SHQ1: variants seen among roughly 807,000 people sequenced by gnomAD.
SHQ1 encodes SHQ1, H/ACA ribonucleoprotein assembly factor.
Under a neutral mutation model 53.8 loss-of-function variants are expected in SHQ1, and 49 were observed. The observed-to-expected ratio is 0.91, with a 90% CI of 0.72 to 1.16. The LOEUF (loss-of-function observed/expected upper bound fraction) is 1.16. Among genes scored for constraint, SHQ1 ranks in the 50% most tolerant of loss-of-function variants. The probability of loss-of-function intolerance (pLI) is 0.00; values close to 1 mark genes in which losing one functional copy is unlikely to be tolerated. For synonymous variants in SHQ1, 243 were observed against 251.0 expected, an observed-to-expected ratio of 0.97 and a Z score of 0.30; for missense variants, 738 against 683.1, an observed-to-expected ratio of 1.08 and a Z score of -0.90.
At chr3:72,755,057 T>C (rs1705470818) in intron 10 of SHQ1, among the ~76,000 whole-genome samples, 1 of 152,168 alleles carries the variant, frequency 6.6e-6, no homozygotes, top group Non-Finnish European at 1.5e-5. Context: ...TCAGAAAGCA[T>C]ACCCCACACA....
chr3:72,769,167 C>T (rs189080679), intron 10 of SHQ1, among the ~76,000 whole-genome samples: 1 of 152,274 alleles, frequency 6.6e-6, no homozygotes, highest in Admixed American at 6.5e-5. Flanking sequence ...GAATGGAGAG[C>T]ACTTGTCCCA....
chr3:72,773,431 T>C (rs1018669125), intron 10 of SHQ1: 2 of 397,510 alleles, frequency 5.0e-6, no homozygotes, highest in Non-Finnish European at 9.7e-6. Flanking sequence ...GAAATCCCCA[T>C]CACCAAAATC....
chr3:72,765,532 T>C lies in SHQ1; in HGVS notation c.1182-14696A>G, dbSNP rs1332818883. On this transcript the variant is annotated intron_variant, in intron 10 of 10. Transcript: ENST00000325599. ...CTCTGCCTCCCAGATTCACATGACA[T>C]ATATATATATATATATATATATATA... 5.3e-4 allele frequency among the ~76,000 whole-genome samples: 22 copies of C among 41,756 alleles called. 1 individual carries two copies. The highest frequency in any genetic ancestry group is 1.7e-3 in the African/African-American group (20 of 11,740). 27.4% of individuals were successfully genotyped at this position (41,756 alleles called of 152,430 possible).
At chr3:72,797,511 A>G (rs1706661982) in intron 9 of SHQ1, among the ~76,000 whole-genome samples, 1 of 152,246 alleles carries the variant, frequency 6.6e-6, no homozygotes, top group Non-Finnish European at 1.5e-5. Flanking sequence ...CAAACCCTGA[A>G]AAATTGACAA....
chr3:72,839,707 C>T (rs963088738), intron 4 of SHQ1, among the ~76,000 whole-genome samples: 1 of 152,110 alleles, frequency 6.6e-6, no homozygotes, highest in Non-Finnish European at 1.5e-5. Flanking sequence ...CCCTCTCCTT[C>T]GTAAATTCAA....
intron 6 of SHQ1, among the ~76,000 whole-genome samples, chr3:72,818,682 A>G (rs1707385990): frequency 1.3e-5 from 2 of 152,222 alleles, no homozygotes; most frequent in Non-Finnish European, 2.9e-5. Context: ...TGTCCAACAG[A>G]ATACGACCAA....
intron 4 of SHQ1, among the ~76,000 whole-genome samples, chr3:72,839,295 G>C (rs1708089944): frequency 6.6e-6 from 1 of 152,132 alleles, no homozygotes; most frequent in Non-Finnish European, 1.5e-5. Context: ...TCCTGCTACA[G>C]ACAAAACTGA....
Position 72,787,059 on chromosome 3 carries a change from C to G in SHQ1, c.1181+5857G>C, listed in dbSNP as rs145967113. On this transcript the variant is annotated intron_variant, in intron 10 of 10. Coordinates refer to ENST00000325599, the MANE Select transcript of SHQ1 (RefSeq NM_018130.3). ...TTTCTAAAATTTTAGAACTTCAGTG[C>G]TGAAATGACTTAGGTTTACTTACAA... Among the ~76,000 whole-genome samples, 451 of 152,276 alleles carry G rather than the reference C, an allele frequency of 3.0e-3. 2 individuals are homozygous for G. Among genetic ancestry groups the G allele is most frequent in the Middle Eastern group, 0.01 (3 of 294 alleles).
chr3:72,784,061 G>A (rs1348945485), intron 10 of SHQ1, among the ~76,000 whole-genome samples: 1 of 150,942 alleles, frequency 6.6e-6, no homozygotes, highest in Non-Finnish European at 1.5e-5. Flanking sequence ...AACCTGGGTA[G>A]GGTACATGGG....
intron 10 of SHQ1, among the ~76,000 whole-genome samples, chr3:72,765,555 A>ATTTTTTTTTT (rs1171352955): frequency 2.6e-4 from 19 of 71,726 alleles, no homozygotes; most frequent in African/African-American, 1.2e-3. Context: ...ATATATATAT[A>ATTTTTTTTTT]TATTTTTTTT....
At position 72,848,190 on chromosome 3, in the gene SHQ1, G is replaced by T. The variant is rs1708411705; in HGVS notation, c.143+8C>A. ...CGCCTTTCCTGCGGCCAGGCACCCC[G>T]AACTCGCCTGAGAAAGTATGGCTTG... On this transcript the variant is annotated splice_region_variant and intron_variant, in intron 1 of 10. Transcript: ENST00000325599. 4 of 1,614,124 alleles carry T rather than the reference G, an allele frequency of 2.5e-6. No homozygotes were observed. Among genetic ancestry groups the T allele is most frequent in the South Asian group, 1.1e-5 (1 of 91,064 alleles).
At chr3:72,835,750 C>T (rs538327604) in intron 4 of SHQ1, among the ~76,000 whole-genome samples, 23 of 152,280 alleles carry the variant, frequency 1.5e-4, no homozygotes, top group Admixed American at 9.1e-4. Context: ...TTCTAGATAA[C>T]GTCAATCAAT....
intron 10 of SHQ1, among the ~76,000 whole-genome samples, chr3:72,769,062 G>C (rs560531223): frequency 1.3e-5 from 2 of 152,318 alleles, no homozygotes; most frequent in African/African-American, 4.8e-5. Context: ...CTTTGATCAA[G>C]TAACAGAGCC....
At chr3:72,824,833 C>A (rs1707601234) in intron 5 of SHQ1, among the ~76,000 whole-genome samples, 1 of 148,750 alleles carries the variant, frequency 6.7e-6, no homozygotes, top group African/African-American at 2.5e-5. Flanking sequence ...GGGTCTCACT[C>A]TGTCATTCAG....
the SHQ1 span, among the ~76,000 whole-genome samples, chr3:72,742,199 TA>T: frequency 2.5e-3 from 314 of 124,102 alleles, no homozygotes; most frequent in East Asian, 9.0e-3. Flanking sequence ...CCCTATCTCT[TA>T]AAAAAAAAAA....
intron 10 of SHQ1, among the ~76,000 whole-genome samples, chr3:72,751,498 G>GTACATATATATATATATA (rs1274696079): frequency 1.1e-4 from 13 of 119,880 alleles, no homozygotes; most frequent in African/African-American, 2.5e-4. Context: ...GTGTGTGTGT[G>GTACATATATATATATATA]TGTGTGTGTG....
downstream of SHQ1, among the ~76,000 whole-genome samples, chr3:72,744,926 G>GGGC (rs1553687475): frequency 5.8e-3 from 659 of 113,756 alleles, 7 homozygotes; most frequent in African/African-American, 9.4e-3. Flanking sequence ...GATACATTGG[G>GGGC]GGGGGGGGGT....
At chr3:72,807,147 T>TA (rs1706977892) in intron 9 of SHQ1, among the ~76,000 whole-genome samples, 1 of 152,170 alleles carries the variant, frequency 6.6e-6, no homozygotes, top group Non-Finnish European at 1.5e-5. Flanking sequence ...AGCTGAGAAT[T>TA]AGAGGTCAAA....
At chr3:72,768,510 C>G (rs1705781370) in intron 10 of SHQ1, among the ~76,000 whole-genome samples, 1 of 152,226 alleles carries the variant, frequency 6.6e-6, no homozygotes, top group Admixed American at 6.5e-5. Context: ...CTAAAACACA[C>G]AGAGCGCAGA....
Sources: gnomAD v4.1 joint callset for allele counts (sites outside exome capture counted in the v4.1 genomes callset) on GRCh38, gnomAD v4.1.1 for gene constraint, MANE v1.5 for transcripts, NCBI Gene and HGNC (gene_info 2026-07-23, HGNC 2026-07-21) for gene names.